The following RCL1 variants were observed in gnomAD, a reference collection of about 807,000 sequenced individuals.
RCL1 encodes the protein RNA 3'-terminal phosphate cyclase-like protein.
Under a neutral mutation model 42.4 loss-of-function variants are expected in RCL1, and 24 were observed. The observed-to-expected ratio is 0.57, with a 90% confidence interval of 0.41 to 0.80. The LOEUF (loss-of-function observed/expected upper bound fraction) is 0.80. Among genes scored for constraint, RCL1 ranks in the 30% least tolerant of loss-of-function variants. RCL1 has a pLI of 0.00. For missense variants in RCL1, 578 were observed against 467.9 expected (o/e 1.24, Z -2.17); for synonymous variants, 228 against 177.3 (o/e 1.29, Z -2.27).
chr9:4,859,307 A>G (rs1192292793), intron 8 of RCL1, among the ~76,000 whole-genome samples: 8 of 152,130 alleles, frequency 5.3e-5, no homozygotes, highest in African/African-American at 1.7e-4. Context: ...ATATGTACAA[A>G]TACTGTCATA....
At chr9:4,854,009 C>T (rs1817847656) in intron 8 of RCL1, among the ~76,000 whole-genome samples, 1 of 152,204 alleles carries the variant, frequency 6.6e-6, no homozygotes, top group South Asian at 2.1e-4. Context: ...GGCCTCACTG[C>T]ATTCCATGAG....
chr9:4,826,939 A>G lies in RCL1; in HGVS notation c.290A>G (p.Tyr97Cys), dbSNP rs1484328154. Residue 97 changes from tyrosine to cysteine, a missense_variant, in exon 3 of 9, where the codon TAT becomes TGT. Transcript: ENST00000381750. Reference sequence around the variant, plus strand: ...TGTAGCGTCCTTCGTGGCATTGGGTATTACCTGGAGAGTCTTCTTTGCTTG... The same window carrying G: ...TGTAGCGTCCTTCGTGGCATTGGGTGTTACCTGGAGAGTCTTCTTTGCTTG... ...HDCSVLRGIG[Y>C]YLESLLCLAP... is the part of the protein sequence containing the mutation. 1.9e-6 allele frequency: 3 copies of G among 1,614,098 alleles called. No individual in the cohort carries two copies. The highest frequency in any genetic ancestry group is 2.5e-6 in the Non-Finnish European group (3 of 1,180,000).
Position 4,860,206 on chromosome 9 carries a change from G to A in RCL1, c.1053G>A (p.Lys351=). The A allele has an allele frequency of 2.5e-6, 4 of 1,613,104 alleles. No homozygotes were observed. The highest frequency in any genetic ancestry group is 3.4e-6 in the Non-Finnish European group (4 of 1,179,640). Residue 351 remains lysine, a synonymous_variant, in exon 9 of 9, where the codon AAG becomes AAA. Coordinates refer to ENST00000381750, the MANE Select transcript of RCL1 (RefSeq NM_005772.5). ...IETKPCGEEL[K]GGDKVLMTCV... Reference sequence around the variant, plus strand: ...CCAAGCCATGTGGTGAAGAACTCAAGGGTGGGGATAAAGTGCTGATGACCT... The same window carrying A: ...CCAAGCCATGTGGTGAAGAACTCAAAGGTGGGGATAAAGTGCTGATGACCT...
chr9:4,798,441 C>T (rs2130962815), intron 1 of RCL1, among the ~76,000 whole-genome samples: 1 of 152,328 alleles, frequency 6.6e-6, no homozygotes, highest in Admixed American at 6.5e-5. Flanking sequence ...TTAGTGTCTT[C>T]CCCTGTGAAA....
chr9:4,855,078 A>G (rs1817899632), intron 8 of RCL1, among the ~76,000 whole-genome samples: 1 of 149,070 alleles, frequency 6.7e-6, no homozygotes, highest in South Asian at 2.2e-4. Flanking sequence ...AAAAAATAGG[A>G]AAAGTTATCT....
chr9:4,795,180 C>A, intron 1 of RCL1, among the ~76,000 whole-genome samples: 1 of 152,020 alleles, frequency 6.6e-6, no homozygotes, highest in Non-Finnish European at 1.5e-5. Context: ...TGGGTTCCTG[C>A]AATTCTCCTG....
intron 1 of RCL1, among the ~76,000 whole-genome samples, chr9:4,802,074 A>ATTTTTTTTTTT (rs34756856): frequency 9.1e-3 from 864 of 95,304 alleles, no homozygotes; most frequent in Non-Finnish European, 0.01. Flanking sequence ...ACGCCTGGCT[A>ATTTTTTTTTTT]TTTTTTTTTT....
chr9:4,833,053 C>G, intron 3 of RCL1, 101 bp from the exon 4 acceptor site: 4 of 770,860 alleles, frequency 5.2e-6, no homozygotes, highest in Admixed American at 1.9e-5. Context: ...GTTTACCACA[C>G]TGCATCATCT....
intron 5 of RCL1, among the ~76,000 whole-genome samples, chr9:4,840,245 C>G (rs1269013900): frequency 6.6e-6 from 1 of 152,152 alleles, no homozygotes; most frequent in Non-Finnish European, 1.5e-5. Flanking sequence ...GAACATTGGG[C>G]TGGATTGGGC....
chr9:4,856,993 A>T (rs976223320), intron 8 of RCL1, among the ~76,000 whole-genome samples: 6 of 152,350 alleles, frequency 3.9e-5, no homozygotes, highest in Admixed American at 1.3e-4. Flanking sequence ...GGCAGGCTTT[A>T]TATGTAGTTT....
In RCL1 at chr9:4,793,147, G is replaced by T. The variant is rs1842856543; in HGVS notation, c.56G>T (p.Arg19Leu). 6.2e-7 allele frequency: 1 copy of T among 1,612,286 alleles called. No homozygotes were observed. Residue 19 changes from arginine to leucine, a missense_variant, in exon 1 of 9, where the codon CGT (arginine) becomes CTT (leucine). Physicochemically the swap from Arg to Leu is moderately radical, Grantham distance 102 (BLOSUM62 -2). Coordinates refer to ENST00000381750, the MANE Select transcript of RCL1 (RefSeq NM_005772.5). The stretch of plus-strand genomic sequence containing the variant: ...GCAGGGTGCAACTTCTTGCGCCAAC[G>T]TCTGGTCCTGTCTACCCTGAGCGGG... ...SYAGCNFLRQRLVLSTLSGRP... is the reference protein window; with the variant it reads ...SYAGCNFLRQLLVLSTLSGRP...
intron 1 of RCL1, among the ~76,000 whole-genome samples, chr9:4,817,374 T>G (rs296840): frequency 0.81 from 122,349 of 151,848 alleles, 50,208 homozygotes; most frequent in East Asian, 1. Context: ...TTTTATTTTT[T>G]ATTTTATTGA....
chr9:4,855,673 A>G (rs919678213), intron 8 of RCL1, among the ~76,000 whole-genome samples: 11 of 152,218 alleles, frequency 7.2e-5, no homozygotes, highest in African/African-American at 7.2e-5. Context: ...TTGCTCTTCA[A>G]TATCCCAGCT....
At chr9:4,819,253 G>A (rs1375020207) in intron 1 of RCL1, among the ~76,000 whole-genome samples, 1 of 152,158 alleles carries the variant, frequency 6.6e-6, no homozygotes, top group Non-Finnish European at 1.5e-5. Flanking sequence ...CAGCAGCCTC[G>A]ATCCCTTGCA....
At chr9:4,796,173 G>A (rs1013250440) in intron 1 of RCL1, among the ~76,000 whole-genome samples, 1 of 152,052 alleles carries the variant, frequency 6.6e-6, no homozygotes, top group Admixed American at 6.6e-5. Flanking sequence ...TGGGCTTCTG[G>A]TGTACCCATT....
chr9:4,831,638 T>G (rs913410282), intron 3 of RCL1, among the ~76,000 whole-genome samples: 3 of 110,752 alleles, frequency 2.7e-5, no homozygotes, highest in African/African-American at 7.7e-5. Flanking sequence ...CATGCCCAGC[T>G]TATTTTTTTT....
At chr9:4,796,947 C>G (rs1340526372) in intron 1 of RCL1, among the ~76,000 whole-genome samples, 2 of 152,156 alleles carry the variant, frequency 1.3e-5, no homozygotes, top group African/African-American at 4.8e-5. Flanking sequence ...TGAGAAATCT[C>G]CATATGAAAG....
chr9:4,836,772 G>T (rs1007770782), intron 5 of RCL1: 2 of 152,472 alleles, frequency 1.3e-5, no homozygotes, highest in Non-Finnish European at 2.9e-5. Context: ...ACAGTAAGTG[G>T]TGAAGGGCAG....
intron 7 of RCL1, among the ~76,000 whole-genome samples, chr9:4,845,473 C>T (rs1385713094): frequency 6.6e-6 from 1 of 152,180 alleles, no homozygotes; most frequent in African/African-American, 2.4e-5. Context: ...TTTACTGTTT[C>T]CTCAAAATAG....
Sources: allele counts gnomAD v4.1 joint callset (sites outside exome capture counted in the v4.1 genomes callset), GRCh38; gene constraint gnomAD v4.1.1; transcripts MANE v1.5; gene names NCBI Gene and HGNC (gene_info 2026-07-23, HGNC 2026-07-21).